The following CADPS2 variants were observed in gnomAD, a reference collection of about 807,000 sequenced individuals.
CADPS2 encodes calcium-dependent secretion activator 2.
CADPS2 carries 93 observed loss-of-function variants against 172.5 expected under a neutral mutation model. The ratio of observed to expected loss-of-function variants is 0.54; its 90% CI spans 0.46 to 0.64. The LOEUF is 0.64. CADPS2 is among the 30% of genes least tolerant of loss of function. The pLI is 0.00. For missense variants in CADPS2, 1,420 were observed against 1,565.9 expected (o/e 0.91, Z 1.57); for synonymous variants, 546 against 555.2 (o/e 0.98, Z 0.23).
At chr7:122,334,795 C>T (rs139922125) in intron 28 of CADPS2, among the ~76,000 whole-genome samples, 1 of 152,206 alleles carries the variant, frequency 6.6e-6, no homozygotes, top group East Asian at 1.9e-4. Flanking sequence ...AAAAAAAAAT[C>T]TGTGGATAGC....
At chr7:122,746,013 C>T (rs149312837) in intron 1 of CADPS2, among the ~76,000 whole-genome samples, 16 of 152,204 alleles carry the variant, frequency 1.1e-4, no homozygotes, top group African/African-American at 3.9e-4. Flanking sequence ...GTCCCTTAAC[C>T]TCAGTGCCTC....
chr7:122,696,552 G>A (rs2085135613), intron 2 of CADPS2, among the ~76,000 whole-genome samples: 1 of 152,040 alleles, frequency 6.6e-6, no homozygotes, highest in Middle Eastern at 3.2e-3. Flanking sequence ...TTCTACCTGT[G>A]TCTGAATTGC....
chr7:122,720,484 A>C (rs190367092), intron 2 of CADPS2, among the ~76,000 whole-genome samples: 1 of 151,134 alleles, frequency 6.6e-6, no homozygotes, highest in Non-Finnish European at 1.5e-5. Context: ...GTATGTATGT[A>C]TATATGTATA....
intron 4 of CADPS2, among the ~76,000 whole-genome samples, chr7:122,625,624 C>T (rs1417268571): frequency 2.6e-5 from 4 of 151,978 alleles, no homozygotes; most frequent in Admixed American, 6.6e-5. Context: ...CCTGCCAGTC[C>T]GCCCTACAGA....
chr7:122,642,898 T>A (rs1407929584), intron 3 of CADPS2, among the ~76,000 whole-genome samples: 1 of 152,208 alleles, frequency 6.6e-6, no homozygotes, highest in Non-Finnish European at 1.5e-5. Context: ...ACCAATTATG[T>A]CATACTCTTT....
At chr7:122,367,207 T>C (rs2041028513) in intron 25 of CADPS2, among the ~76,000 whole-genome samples, 1 of 152,168 alleles carries the variant, frequency 6.6e-6, no homozygotes, top group Admixed American at 6.5e-5. Context: ...TTACATAATC[T>C]AGGCAGTCAG....
chr7:122,724,910 T>A (rs1588770951), intron 2 of CADPS2, among the ~76,000 whole-genome samples: 1 of 152,144 alleles, frequency 6.6e-6, no homozygotes, highest in Middle Eastern at 3.4e-3. Context: ...TAAAAATAAG[T>A]CCATACGATT....
chr7:122,454,909 G>A (rs2053574961), intron 14 of CADPS2, among the ~76,000 whole-genome samples: 1 of 152,006 alleles, frequency 6.6e-6, no homozygotes, highest in South Asian at 2.1e-4. Flanking sequence ...CCCTGAGTAC[G>A]CAGGCAGCCT....
At chr7:122,853,888 A>G (rs1814420943) in intron 1 of CADPS2, among the ~76,000 whole-genome samples, 1 of 152,140 alleles carries the variant, frequency 6.6e-6, no homozygotes, top group African/African-American at 2.4e-5. Flanking sequence ...GCGCTTTGCA[A>G]GCATTCTCTT....
chr7:122,433,406 G>GT (rs112290645), intron 17 of CADPS2, among the ~76,000 whole-genome samples: 39,895 of 140,166 alleles, frequency 0.28, 5,916 homozygotes, highest in Middle Eastern at 0.39. Flanking sequence ...TGTTTTTTTG[G>GT]TTTTTTTTTT....
At chr7:122,455,872 A>G (rs1211157131) in intron 14 of CADPS2, among the ~76,000 whole-genome samples, 2 of 151,834 alleles carry the variant, frequency 1.3e-5, no homozygotes, top group Non-Finnish European at 2.9e-5. Context: ...ACACCTGGCT[A>G]ATTTTGTATT....
chr7:122,868,875 G>T (rs1454980742), intron 1 of CADPS2, among the ~76,000 whole-genome samples: 3 of 152,130 alleles, frequency 2.0e-5, no homozygotes, highest in South Asian at 2.1e-4. Flanking sequence ...CTACTAAACA[G>T]AAATCATTGA....
intron 9 of CADPS2, among the ~76,000 whole-genome samples, chr7:122,491,837 T>C (rs2058314560): frequency 6.6e-6 from 1 of 152,168 alleles, no homozygotes; most frequent in Non-Finnish European, 1.5e-5. Context: ...TAGTCCTAGA[T>C]TTACATAAAC....
At chr7:122,502,212 GT>G (rs2059262484) in intron 9 of CADPS2, among the ~76,000 whole-genome samples, 1 of 152,064 alleles carries the variant, frequency 6.6e-6, no homozygotes, top group Admixed American at 6.6e-5. Context: ...TTGTTTTATA[GT>G]AATTGTTAAT....
chr7:122,487,321 T>A (rs2057920459), intron 11 of CADPS2, among the ~76,000 whole-genome samples: 1 of 152,096 alleles, frequency 6.6e-6, no homozygotes, highest in Non-Finnish European at 1.5e-5. Flanking sequence ...AACATAACTT[T>A]TATACACACT....
chr7:122,488,380 C>A (rs2058024595), intron 11 of CADPS2, among the ~76,000 whole-genome samples: 1 of 152,172 alleles, frequency 6.6e-6, no homozygotes, highest in Admixed American at 6.5e-5. Context: ...AGCTGTGCTG[C>A]AAGAGAAACG....
rs941517195 is a variant in CADPS2 at position 122,613,520 on chromosome 7, G to A, written c.1223+1661C>T. 7.9e-5 allele frequency among the ~76,000 whole-genome samples: 12 copies of A among 152,068 alleles called. No homozygotes were observed. The East Asian group carries it at 1.7e-3, about 22-fold the overall frequency. On this transcript the variant is annotated intron_variant, in intron 6 of 29. Coordinates refer to ENST00000449022, the MANE Select transcript of CADPS2 (RefSeq NM_017954.11). ...GTTCAACAAAATCACCTAATGACAC[G>A]TTTCTCAGAATGTATCCCTGCTGTT...
chr7:122,702,254 G>T (rs367569835), intron 2 of CADPS2: 1 of 1,613,710 alleles, frequency 6.2e-7, no homozygotes, highest in Admixed American at 1.7e-5. Flanking sequence ...TTTCTGAATC[G>T]AGTGCAAAAT....
chr7:122,705,970 A>T (rs1240664479), intron 2 of CADPS2, among the ~76,000 whole-genome samples: 1 of 4,280 alleles, frequency 2.3e-4, no homozygotes, highest in Non-Finnish European at 6.9e-4. Context: ...ATATAATATA[A>T]TATAATATAT....
Sources: allele counts gnomAD v4.1 joint callset (sites outside exome capture counted in the v4.1 genomes callset), GRCh38; gene constraint gnomAD v4.1.1; transcripts MANE v1.5; gene names NCBI Gene and HGNC (gene_info 2026-07-23, HGNC 2026-07-21).